The following PSD3 variants were observed in gnomAD, a reference collection of about 807,000 sequenced individuals.
PSD3 encodes the protein PH and SEC7 domain-containing protein 3.
In PSD3, 49 loss-of-function variants were observed where a neutral mutation model predicts 105.5. That is an observed-to-expected ratio of 0.46 (90% CI 0.37 to 0.59). PSD3 has a LOEUF of 0.59. Among genes scored for constraint, PSD3 ranks in the 20% least tolerant of loss-of-function variants. PSD3 has a pLI of 0.00. For synonymous variants in PSD3, 557 were observed against 457.8 expected (o/e 1.22, Z -2.77); for missense variants, 1,561 against 1,263.8 (o/e 1.24, Z -3.57).
intron 11 of PSD3, 97 bp downstream of exon 11, chr8:18,632,513 ACAT>A: frequency 7.6e-7 from 1 of 1,311,110 alleles, no homozygotes; most frequent in Non-Finnish European, 1.1e-6. Context: ...CTATAGATAA[ACAT>A]AATTTTTTCA....
At chr8:18,576,957 T>G (rs536132160) in intron 12 of PSD3, among the ~76,000 whole-genome samples, 10 of 152,048 alleles carry the variant, frequency 6.6e-5, no homozygotes, top group Admixed American at 2.0e-4. Flanking sequence ...CCTATTTTCT[T>G]TGAATTAATA....
chr8:18,792,051 A>G (rs1257807147), intron 8 of PSD3, among the ~76,000 whole-genome samples: 1 of 152,222 alleles, frequency 6.6e-6, no homozygotes, highest in Non-Finnish European at 1.5e-5. Context: ...ACATTATTAA[A>G]AAGTCAAAAA....
chr8:18,848,143 T>A (rs1230442432), intron 4 of PSD3, among the ~76,000 whole-genome samples: 2 of 143,770 alleles, frequency 1.4e-5, no homozygotes, highest in Non-Finnish European at 3.1e-5. Context: ...AAAAAAAAAA[T>A]CCCTAAATCC....
intron 9 of PSD3, among the ~76,000 whole-genome samples, chr8:18,715,146 G>C (rs1345726243): frequency 1.3e-5 from 2 of 152,150 alleles, no homozygotes; most frequent in Non-Finnish European, 2.9e-5. Flanking sequence ...GGAAGACGGA[G>C]AACATCAGGA....
chr8:18,565,148 C>T (rs1054451377), intron 14 of PSD3, among the ~76,000 whole-genome samples: 2 of 152,114 alleles, frequency 1.3e-5, no homozygotes, highest in African/African-American at 4.8e-5. Context: ...CAGCCTGGAC[C>T]TGAACGACCT....
At chr8:18,830,753 C>T (rs934153209) in intron 4 of PSD3, among the ~76,000 whole-genome samples, 8 of 152,188 alleles carry the variant, frequency 5.3e-5, no homozygotes, top group African/African-American at 1.9e-4. Context: ...GGCTGCACTG[C>T]TCCCACTGCA....
intron 4 of PSD3, among the ~76,000 whole-genome samples, chr8:18,850,272 C>T (rs1203572007): frequency 6.6e-6 from 1 of 152,226 alleles, no homozygotes; most frequent in Non-Finnish European, 1.5e-5. Flanking sequence ...ATTCATTCTC[C>T]ATGTCTTCTC....
chr8:18,758,517 G>C (rs553244549), intron 9 of PSD3, among the ~76,000 whole-genome samples: 2 of 150,972 alleles, frequency 1.3e-5, no homozygotes, highest in East Asian at 3.9e-4. Flanking sequence ...CTTATCTCTA[G>C]ATTTTTAATG....
intron 1 of PSD3, among the ~76,000 whole-genome samples, chr8:18,969,708 A>C (rs1824512368): frequency 6.6e-6 from 1 of 152,222 alleles, no homozygotes; most frequent in African/African-American, 2.4e-5. Flanking sequence ...CTTACTCCAC[A>C]GACCTGAATT....
chr8:18,636,884 A>G (rs900385893), intron 10 of PSD3, among the ~76,000 whole-genome samples: 3 of 152,332 alleles, frequency 2.0e-5, no homozygotes, highest in Admixed American at 6.5e-5. Context: ...AACATATTAC[A>G]GTTATGAAGT....
intron 4 of PSD3, among the ~76,000 whole-genome samples, chr8:18,838,486 C>A (rs1336269267): frequency 2.0e-5 from 3 of 152,074 alleles, no homozygotes; most frequent in African/African-American, 7.2e-5. Context: ...TGAGTATGTG[C>A]AAACCAAAGT....
intron 9 of PSD3, among the ~76,000 whole-genome samples, chr8:18,719,308 A>G (rs977701614): frequency 4.6e-5 from 7 of 152,200 alleles, no homozygotes; most frequent in African/African-American, 1.7e-4. Flanking sequence ...TGAAATTTTA[A>G]AAATCTGAAA....
At chr8:18,962,975 A>T (rs1055306885) in intron 1 of PSD3, among the ~76,000 whole-genome samples, 1 of 152,208 alleles carries the variant, frequency 6.6e-6, no homozygotes, top group African/African-American at 2.4e-5. Context: ...CACGCTGCTG[A>T]TAAAGACATA....
At chr8:18,604,864 T>A (rs1804701556) in intron 11 of PSD3, among the ~76,000 whole-genome samples, 1 of 152,202 alleles carries the variant, frequency 6.6e-6, no homozygotes, top group South Asian at 2.1e-4. Flanking sequence ...CTTTAGTGGC[T>A]TCCATGTGGT....
intron 8 of PSD3, among the ~76,000 whole-genome samples, chr8:18,790,365 T>G (rs1362819496): frequency 1.3e-5 from 2 of 148,560 alleles, no homozygotes; most frequent in Non-Finnish European, 3.0e-5. Context: ...TGCAGTGGAG[T>G]GATCTCGGCT....
chr8:18,896,416 CTTTTA>C (rs1053433397), intron 2 of PSD3, among the ~76,000 whole-genome samples: 5 of 152,012 alleles, frequency 3.3e-5, no homozygotes, highest in African/African-American at 4.8e-5. Flanking sequence ...AGTGGCTATA[CTTTTA>C]TTTTATTTTT....
intron 1 of PSD3, among the ~76,000 whole-genome samples, chr8:19,019,127 T>C (rs1827276269): frequency 6.6e-6 from 1 of 152,132 alleles, no homozygotes; most frequent in Non-Finnish European, 1.5e-5. Flanking sequence ...GGTGAAAGCT[T>C]AGGTAATTTA....
intron 1 of PSD3, among the ~76,000 whole-genome samples, chr8:19,021,178 G>A (rs966869937): frequency 3.3e-5 from 5 of 152,274 alleles, no homozygotes; most frequent in African/African-American, 1.2e-4. Context: ...TGAAGTAGGA[G>A]GAAAACAAAA....
intron 9 of PSD3, among the ~76,000 whole-genome samples, chr8:18,666,394 C>T (rs1799453975): frequency 1.3e-5 from 2 of 152,222 alleles, no homozygotes; most frequent in South Asian, 4.1e-4. Context: ...CAAAAAATTC[C>T]TGTGGCTTGC....
Sources: allele counts gnomAD v4.1 joint callset (sites outside exome capture counted in the v4.1 genomes callset), GRCh38; gene constraint gnomAD v4.1.1; transcripts MANE v1.5; gene names NCBI Gene and HGNC (gene_info 2026-07-23, HGNC 2026-07-21).